The following FGF14 variants were observed in gnomAD, a reference collection of about 807,000 sequenced individuals.
The protein encoded by FGF14 is fibroblast growth factor 14.
In FGF14, 5 loss-of-function variants were observed where a neutral mutation model predicts 25.5. That is an observed-to-expected ratio of 0.20 (90% CI 0.10 to 0.41). The LOEUF is 0.41. FGF14 is among the 10% of genes least tolerant of loss of function. The pLI is 1.00. For missense variants in FGF14, 222 were observed against 320.1 expected (o/e 0.69, Z 2.34); for synonymous variants, 138 against 118.3 (o/e 1.17, Z -1.08).
At chr13:101,893,575 C>T (rs1198218131) in intron 1 of FGF14, among the ~76,000 whole-genome samples, 5 of 151,868 alleles carry the variant, frequency 3.3e-5, no homozygotes. Flanking sequence ...TAACAGGGTC[C>T]TTAAAAGGAG....
chr13:101,757,062 C>T (rs1431052237), intron 3 of FGF14, among the ~76,000 whole-genome samples: 3 of 152,062 alleles, frequency 2.0e-5, no homozygotes, highest in Non-Finnish European at 4.4e-5. Context: ...GGAGTTATAA[C>T]ACAAATGTTT....
intron 3 of FGF14, among the ~76,000 whole-genome samples, chr13:101,799,321 A>T (rs1469886850): frequency 6.6e-6 from 1 of 152,104 alleles, no homozygotes; most frequent in Non-Finnish European, 1.5e-5. Context: ...GAGAAGTCAC[A>T]TCAGTGCCTT....
chr13:101,821,787 A>G (rs1594375317), intron 3 of FGF14, among the ~76,000 whole-genome samples: 1 of 152,182 alleles, frequency 6.6e-6, no homozygotes, highest in Non-Finnish European at 1.5e-5. Context: ...AATGATGCTG[A>G]GCACCTTTTC....
chr13:102,206,895 T>C (rs975063567), intron 1 of FGF14, among the ~76,000 whole-genome samples: 4 of 152,122 alleles, frequency 2.6e-5, no homozygotes, highest in Non-Finnish European at 4.4e-5. Flanking sequence ...AGCCAAATAT[T>C]TGGGGCACTA....
chr13:102,255,462 G>A (rs1347520714), intron 1 of FGF14, among the ~76,000 whole-genome samples: 1 of 152,146 alleles, frequency 6.6e-6, no homozygotes, highest in Non-Finnish European at 1.5e-5. Flanking sequence ...AGAGGGGGAA[G>A]CCATCCATTT....
At chr13:102,344,646 G>T (rs1220520851) in intron 1 of FGF14, among the ~76,000 whole-genome samples, 3 of 152,192 alleles carry the variant, frequency 2.0e-5, no homozygotes, top group Non-Finnish European at 4.4e-5. Context: ...GATGTACAAA[G>T]GATCTGCAGT....
At chr13:102,158,448 C>T (rs921746470) in intron 1 of FGF14, among the ~76,000 whole-genome samples, 4 of 150,016 alleles carry the variant, frequency 2.7e-5, no homozygotes, top group Non-Finnish European at 5.9e-5. Flanking sequence ...TATGTTCTCA[C>T]TCATAGGTGG....
intron 1 of FGF14, among the ~76,000 whole-genome samples, chr13:102,083,816 ACTT>A (rs1595213350): frequency 6.6e-6 from 1 of 152,138 alleles, no homozygotes; most frequent in Non-Finnish European, 1.5e-5. Flanking sequence ...CTCAGAATAA[ACTT>A]CTTTAAATAT....
At chr13:101,853,994 T>C (rs1423432963) in intron 3 of FGF14, among the ~76,000 whole-genome samples, 1 of 152,122 alleles carries the variant, frequency 6.6e-6, no homozygotes, top group African/African-American at 2.4e-5. Flanking sequence ...ACCATCATAT[T>C]TGCTGAATCA....
intron 1 of FGF14, among the ~76,000 whole-genome samples, chr13:102,065,269 T>G (rs978257810): frequency 4.6e-5 from 7 of 152,116 alleles, no homozygotes; most frequent in African/African-American, 1.7e-4. Flanking sequence ...TAATGTCAAC[T>G]TGTGGCTCAA....
At chr13:102,100,613 T>C (rs1384757756) in intron 1 of FGF14, among the ~76,000 whole-genome samples, 1 of 152,196 alleles carries the variant, frequency 6.6e-6, no homozygotes, top group African/African-American at 2.4e-5. Context: ...TTGTTGAGAC[T>C]GGGCAAGACA....
At chr13:102,224,026 T>C (rs933542406) in intron 1 of FGF14, among the ~76,000 whole-genome samples, 4 of 152,148 alleles carry the variant, frequency 2.6e-5, no homozygotes, top group Admixed American at 2.6e-4. Context: ...ATGGCATTAT[T>C]TTTCTATCAT....
chr13:101,805,443 C>T (rs1377992700), intron 3 of FGF14, among the ~76,000 whole-genome samples: 1 of 152,108 alleles, frequency 6.6e-6, no homozygotes, highest in Non-Finnish European at 1.5e-5. Flanking sequence ...ACTTTTATTG[C>T]TGTGTTTCTG....
rs374042550 is a variant in FGF14, at chr13:102,266,321, G to A, written c.208+135150C>T. Among the ~76,000 whole-genome samples, 24 of 152,238 alleles carry A rather than the reference G, an allele frequency of 1.6e-4. No individual in the cohort carries two copies. The East Asian group carries it at 3.7e-3, about 23-fold the overall frequency. On this transcript the variant is annotated intron_variant, in intron 1 of 4. Transcript: ENST00000376131. ...CCAAAGATGGAGTTAGATGGAGTTA[G>A]AAGAGCTGAAGAGAGAGGAACCTCC...
chr13:101,725,814 T>A (rs1369498438), intron 4 of FGF14, among the ~76,000 whole-genome samples: 1 of 152,068 alleles, frequency 6.6e-6, no homozygotes, highest in African/African-American at 2.4e-5. Flanking sequence ...TCAAATATTT[T>A]TGTAATTCTC....
chr13:102,392,215 C>G (rs979154961), intron 1 of FGF14, among the ~76,000 whole-genome samples: 8 of 152,204 alleles, frequency 5.3e-5, no homozygotes, highest in African/African-American at 1.7e-4. Context: ...TAAAAAAGCA[C>G]GTGTGCAAAC....
intron 3 of FGF14, among the ~76,000 whole-genome samples, chr13:101,808,590 T>C (rs2140169036): frequency 6.6e-6 from 1 of 152,248 alleles, no homozygotes; most frequent in Admixed American, 6.5e-5. Context: ...AAATGAGCTA[T>C]TAGTAATGAA....
chr13:101,966,140 T>G (rs1291233659), intron 1 of FGF14, among the ~76,000 whole-genome samples: 2 of 152,210 alleles, frequency 1.3e-5, no homozygotes, highest in Non-Finnish European at 2.9e-5. Context: ...TCTCAGACTG[T>G]AAGCTTATTT....
chr13:102,032,285 A>G (rs2041249716), intron 1 of FGF14, among the ~76,000 whole-genome samples: 1 of 151,960 alleles, frequency 6.6e-6, no homozygotes, highest in Admixed American at 6.6e-5. Flanking sequence ...TCCTTCTCCC[A>G]CTCTGCAAGG....
Sources: gnomAD v4.1 joint callset for allele counts (sites outside exome capture counted in the v4.1 genomes callset) on GRCh38, gnomAD v4.1.1 for gene constraint, MANE v1.5 for transcripts, NCBI Gene and HGNC (gene_info 2026-07-23, HGNC 2026-07-21) for gene names.